Variants in B3GAT3 observed in about 807,000 individuals in gnomAD.
B3GAT3 encodes galactosylgalactosylxylosylprotein 3-beta-glucuronosyltransferase 3.
A neutral mutation model predicts 33.1 loss-of-function variants in B3GAT3; 19 were observed. That is an observed-to-expected ratio of 0.57 (90% CI 0.40 to 0.84). The LOEUF (loss-of-function observed/expected upper bound fraction) is 0.84, where lower values mean the gene tolerates loss of function less well. B3GAT3 is among the 40% of genes least tolerant of loss of function. The pLI is 0.00. For synonymous variants in B3GAT3, 167 were observed against 193.5 expected, an observed-to-expected ratio of 0.86 and a Z score of 1.14; for missense variants, 344 against 441.5, an observed-to-expected ratio of 0.78 and a Z score of 1.98.
At position 62,617,292 on chromosome 11, in the gene B3GAT3, G is replaced by A. The variant is rs377176891; in HGVS notation, c.313C>T (p.Arg105Trp). 2.1e-5 allele frequency: 34 copies of A among 1,613,288 alleles called. No individual in the cohort carries two copies. The highest frequency in any genetic ancestry group is 2.6e-5 in the Non-Finnish European group (31 of 1,180,032). The change falls in exon 3 of 5, where the codon CGG (arginine) becomes TGG (tryptophan). Residue 105 changes from arginine to tryptophan, a missense_variant. Transcript: ENST00000265471. ...RLSQTLSLVP[R>W]LHWLLVEDAE... Reference sequence around the variant, plus strand: ...TCCTCCACCAGCAGCCAATGCAGCCGGGGCACCAGGCTCAGTGTCTGGGAC... The same window carrying A: ...TCCTCCACCAGCAGCCAATGCAGCCAGGGCACCAGGCTCAGTGTCTGGGAC...
chr11:62,620,025 G>C (rs1193412297), intron 2 of B3GAT3, among the ~76,000 whole-genome samples: 2 of 150,834 alleles, frequency 1.3e-5, no homozygotes, highest in African/African-American at 4.9e-5. Flanking sequence ...TTTTTCTTTT[G>C]TTTTGTTTTG....
Position 62,621,898 on chromosome 11 carries a change from A to G in B3GAT3, c.50T>C (p.Ile17Thr), listed in dbSNP as rs1418548464. 30 of 1,612,814 alleles carry G rather than the reference A, an allele frequency of 1.9e-5. No individual in the cohort carries two copies. Among genetic ancestry groups the G allele is most frequent in the Non-Finnish European group, 2.5e-5 (30 of 1,179,348 alleles). ...NVFLAYFLVS[I>T]AGLLYALVQL... ...TACCAGCGCGTAGAGGAGGCCGGCG[A>G]TCGACACCAGGAAGTAGGCGAGAAA... The change falls in exon 1 of 5, where the codon ATC (isoleucine) becomes ACC (threonine). Residue 17 changes from isoleucine (I) to threonine (T), a missense_variant. Coordinates refer to ENST00000265471, the MANE Select transcript of B3GAT3 (RefSeq NM_012200.4).
intron 2 of B3GAT3, among the ~76,000 whole-genome samples, chr11:62,617,877 CAAA>C (rs765238565): frequency 1.6e-5 from 1 of 62,434 alleles, no homozygotes. Flanking sequence ...AACTCCATCT[CAAA>C]AAAAAAAAAA....
At chr11:62,616,245 A>G in intron 4 of B3GAT3, 2 of 447,688 alleles carry the variant, frequency 4.5e-6, no homozygotes, top group Non-Finnish European at 7.9e-6. Context: ...CTCTGTCTGA[A>G]AAAAAAAAAA....
intron 4 of B3GAT3, 130 bp downstream of exon 4, chr11:62,616,376 T>C: frequency 3.7e-6 from 5 of 1,348,762 alleles, no homozygotes; most frequent in Non-Finnish European, 5.2e-6. Flanking sequence ...TTCAGTAGAG[T>C]CAGCAAGGCT....
At chr11:62,620,258 G>A (rs1027352605) in intron 2 of B3GAT3, among the ~76,000 whole-genome samples, 1 of 152,100 alleles carries the variant, frequency 6.6e-6, no homozygotes, top group Admixed American at 6.5e-5. Context: ...CCTGACCTCA[G>A]GTGATCCACC....
At chr11:62,615,843 C>G (rs1315919408) in intron 4 of B3GAT3, 44 bp from the exon 5 acceptor site, 1 of 1,604,456 alleles carries the variant, frequency 6.2e-7, no homozygotes, top group Non-Finnish European at 8.5e-7. Flanking sequence ...CAGCTGCAGC[C>G]AGGCCTCTGG....
chr11:62,619,440 A>C (rs1943099853), intron 2 of B3GAT3, among the ~76,000 whole-genome samples: 1 of 152,204 alleles, frequency 6.6e-6, no homozygotes, highest in South Asian at 2.1e-4. Flanking sequence ...AAACAAAAGC[A>C]AATGTAAATC....
At position 62,620,619 on chromosome 11, in the gene B3GAT3, C is replaced by T. The variant is rs1256373120; in HGVS notation, c.135G>A (p.Arg45=). The T allele has an allele frequency of 2.5e-6, 4 of 1,612,540 alleles. No individual in the cohort carries two copies. Among genetic ancestry groups the T allele is most frequent in the African/African-American group, 1.3e-5 (1 of 74,894 alleles). Residue 45 remains arginine, a synonymous_variant, in exon 2 of 5, where the codon CGG becomes CGA. Transcript: ENST00000265471. ...GCTGGGAAATCCTCAGATCCTTCTG[C>T]CGTAGCTGCTCGGCTGCTGCCCGCA... ...PPLRAAAEQL[R]QKDLRISQLQ... is the part of the protein sequence containing the mutation.
intron 4 of B3GAT3, chr11:62,616,286 C>T: frequency 3.0e-6 from 2 of 668,704 alleles, no homozygotes; most frequent in Non-Finnish European, 5.1e-6. Flanking sequence ...TTCCTTCATC[C>T]TCTCTGTGCC....
Position 62,616,638 on chromosome 11 carries a change from G to A in B3GAT3, c.777C>T (p.Ala259=). The change falls in exon 4 of 5, where the codon GCC becomes GCT. Residue 259 remains alanine (A), a synonymous_variant. Transcript: ENST00000265471. ...TGGGCTTATCTAACAGCAAGGGCAG[G>A]GCCACGGCAAATCCAGCCATATCCA... is the stretch of plus-strand genomic sequence containing the variant. The part of the protein sequence containing the change: ...FPVDMAGFAV[A]LPLLLDKPNA... The A allele has an allele frequency of 1.2e-6, 2 of 1,614,234 alleles. No individual in the cohort carries two copies. The highest frequency in any genetic ancestry group is 1.7e-6 in the Non-Finnish European group (2 of 1,180,058).
intron 2 of B3GAT3, among the ~76,000 whole-genome samples, chr11:62,617,951 G>A (rs977784852): frequency 9.2e-5 from 14 of 151,638 alleles, no homozygotes; most frequent in Admixed American, 3.9e-4. Flanking sequence ...CGAGGTGGGC[G>A]GATCACCTGA....
chr11:62,616,241 CTGAA>C, intron 4 of B3GAT3: 1 of 527,958 alleles, frequency 1.9e-6, no homozygotes, highest in African/African-American at 2.0e-5. Context: ...GAGACTCTGT[CTGAA>C]AAAAAAAAAA....
Position 62,616,736 on chromosome 11 carries a change from C to T in B3GAT3, c.679G>A (p.Glu227Lys), listed in dbSNP as rs542424461. 24 of 1,613,978 alleles carry T rather than the reference C, an allele frequency of 1.5e-5. No individual in the cohort carries two copies. Among genetic ancestry groups the T allele is most frequent in the South Asian group, 3.3e-5 (3 of 91,074 alleles). Residue 227 changes from glutamate to lysine, a missense_variant, in exon 4 of 5, where the codon GAG (glutamate) becomes AAG (lysine). By Grantham distance (56) the Glu-to-Lys change is moderately conservative. Transcript: ENST00000265471. ...CGGCCGTCCTGTACCTGAGGGCCCT[C>T]GAATCGCAGGCCGCCCACCAGCCCC... ...PVGLVGGLRF[E>K]GPQVQDGRVV... is the part of the protein sequence containing the mutation.
At position 62,621,871 on chromosome 11, in the gene B3GAT3, T is replaced by A. The variant is rs772279674; in HGVS notation, c.77A>T (p.Gln26Leu). 8 of 1,611,762 alleles carry A rather than the reference T, an allele frequency of 5.0e-6. No homozygotes were observed. In the South Asian group the frequency reaches 5.5e-5, roughly 11 times the overall value. Residue 26 changes from glutamine (Q) to leucine (L), a missense_variant, in exon 1 of 5, where the codon CAG becomes CTG. Gln to Leu is a moderately radical substitution (Grantham distance 113). Transcript: ENST00000265471. ...CCCCGCCCCGCCCCGCTCACCGAGC[T>A]GTACCAGCGCGTAGAGGAGGCCGGC... ...SIAGLLYALV[Q>L]LGQPCDCLPP...
In B3GAT3 at chr11:62,615,311, T is replaced by A. The variant is rs1943000516; in HGVS notation, c.*390A>T. ...AAGAGGCCCCTCCAGGTTGAGATTCTTTATTCTGGAGGTAGGAAGGGGGTC... is the reference window on the plus strand; with the variant it reads ...AAGAGGCCCCTCCAGGTTGAGATTCATTATTCTGGAGGTAGGAAGGGGGTC... On this transcript the variant is annotated 3_prime_UTR_variant, in exon 5 of 5. Transcript: ENST00000265471. 2.7e-6 allele frequency: 1 copy of A among 376,532 alleles called. No individual in the cohort carries two copies. The highest frequency in any genetic ancestry group is 5.0e-6 in the Non-Finnish European group (1 of 201,944). The allele number at this position is 376,532 out of a possible 1,614,324, so 23.3% of individuals were successfully genotyped here. A position where few individuals can be genotyped will look rare whatever the true frequency, so the allele number is the denominator to read the frequency against.
chr11:62,621,145 G>T (rs1253869133), intron 1 of B3GAT3: 2 of 457,770 alleles, frequency 4.4e-6, no homozygotes, highest in Non-Finnish European at 8.8e-6. Flanking sequence ...AAGACTCATT[G>T]TTAAATTCAT....
chr11:62,617,545 C>A, intron 2 of B3GAT3, 198 bp from the exon 3 acceptor site: 2 of 705,180 alleles, frequency 2.8e-6, no homozygotes, highest in Non-Finnish European at 4.8e-6. Context: ...GTCCATCACC[C>A]ACCTCAACTC....
Position 62,615,717 on chromosome 11 carries a change from G to A in B3GAT3, c.992C>T (p.Pro331Leu). Residue 331 changes from proline to leucine, a missense_variant, in exon 5 of 5, where the codon CCA becomes CTA. Transcript: ENST00000265471. ...QLQRQGRGSD[P>L]AIEV ...GGGCCGCCATCACACCTCAATTGCT[G>A]GGTCTGAGCCCCGGCCCTGCCGCTG... 1 of 1,613,748 alleles carries A rather than the reference G, an allele frequency of 6.2e-7. No homozygotes were observed.
Sources: allele counts gnomAD v4.1 joint callset (sites outside exome capture counted in the v4.1 genomes callset), GRCh38; gene constraint gnomAD v4.1.1; transcripts MANE v1.5; gene names NCBI Gene and HGNC (gene_info 2026-07-23, HGNC 2026-07-21).